The following ZNF678 variants were observed in gnomAD, a reference collection of about 807,000 sequenced individuals.
ZNF678 encodes zinc finger protein 678, also known as hypothetical protein MGC42493.
ZNF678 carries 5 observed loss-of-function variants against 3.0 expected under a neutral mutation model. That is an observed-to-expected ratio of 1.69 (90% CI 0.88 to 3.56). The LOEUF (loss-of-function observed/expected upper bound fraction) is 3.56. Ranked by LOEUF, ZNF678 falls within the 30% of genes most tolerant of loss-of-function variation. The probability of loss-of-function intolerance (pLI) is 0.00; values close to 1 mark genes in which losing one functional copy is unlikely to be tolerated. For missense variants in ZNF678, 593 were observed against 605.0 expected, an observed-to-expected ratio of 0.98 and a Z score of 0.21; for synonymous variants, 218 against 199.6, an observed-to-expected ratio of 1.09 and a Z score of -0.78.
chr1:227,604,944 C>T (rs993171801), intron 1 of ZNF678, among the ~76,000 whole-genome samples: 4 of 152,142 alleles, frequency 2.6e-5, no homozygotes, highest in Admixed American at 1.3e-4. Flanking sequence ...CAAGCTCCGC[C>T]TCCCAGGTTC....
chr1:227,620,373 G>T (rs1186877121), intron 1 of ZNF678, among the ~76,000 whole-genome samples: 1 of 151,624 alleles, frequency 6.6e-6, no homozygotes, highest in Non-Finnish European at 1.5e-5. Flanking sequence ...GAAAAAGTTT[G>T]TGTGTGTGTG....
intron 1 of ZNF678, among the ~76,000 whole-genome samples, chr1:227,622,650 A>AT: frequency 6.6e-6 from 1 of 152,012 alleles, no homozygotes; most frequent in East Asian, 1.9e-4. Context: ...GTATGCCTTT[A>AT]TTTTTTTACT....
At chr1:227,574,081 C>T (rs1656926623) in intron 1 of ZNF678, among the ~76,000 whole-genome samples, 1 of 152,144 alleles carries the variant, frequency 6.6e-6, no homozygotes, top group African/African-American at 2.4e-5. Flanking sequence ...TATTGATGGG[C>T]ATTTAGGTTG....
At chr1:227,608,683 A>G (rs1168140360) in intron 1 of ZNF678, among the ~76,000 whole-genome samples, 1 of 152,210 alleles carries the variant, frequency 6.6e-6, no homozygotes, top group Non-Finnish European at 1.5e-5. Flanking sequence ...AATATTCTAT[A>G]TAACAGCAAG....
intron 1 of ZNF678, among the ~76,000 whole-genome samples, chr1:227,570,631 G>A (rs1011912718): frequency 1.3e-5 from 2 of 151,792 alleles, no homozygotes; most frequent in Admixed American, 1.3e-4. Flanking sequence ...ACTGTGCCTG[G>A]CTCTCTCATA....
chr1:227,634,776 G>A (rs115530793), intron 1 of ZNF678, among the ~76,000 whole-genome samples: 25 of 152,272 alleles, frequency 1.6e-4, no homozygotes, highest in African/African-American at 5.8e-4. Flanking sequence ...ACCTCTCTGG[G>A]GCCTAGGAGA....
chr1:227,576,275 G>A (rs1225116927), intron 1 of ZNF678, among the ~76,000 whole-genome samples: 6 of 152,142 alleles, frequency 3.9e-5, no homozygotes, highest in Non-Finnish European at 8.8e-5. Flanking sequence ...GAATGTGTTA[G>A]GGAGCAGTCC....
At chr1:227,616,764 T>C (rs1424438347) in intron 1 of ZNF678, among the ~76,000 whole-genome samples, 1 of 152,204 alleles carries the variant, frequency 6.6e-6, no homozygotes, top group Non-Finnish European at 1.5e-5. Context: ...GGTGCATTCA[T>C]ATTATGCAGA....
intron 1 of ZNF678, among the ~76,000 whole-genome samples, chr1:227,623,787 C>T (rs1048905343): frequency 3.9e-5 from 6 of 151,948 alleles, no homozygotes; most frequent in African/African-American, 1.5e-4. Context: ...ACTTTTTATC[C>T]AGTTTATAAA....
chr1:227,651,297 C>T (rs1659087268), intron 3 of ZNF678, among the ~76,000 whole-genome samples: 1 of 152,100 alleles, frequency 6.6e-6, no homozygotes, highest in Admixed American at 6.6e-5. Context: ...AGACACTTGG[C>T]CTAATACCAA....
At chr1:227,573,540 A>C (rs943882236) in intron 1 of ZNF678, among the ~76,000 whole-genome samples, 40 of 152,222 alleles carry the variant, frequency 2.6e-4, no homozygotes, top group African/African-American at 9.6e-4. Flanking sequence ...TGCTCTTTAC[A>C]TTATACCTAA....
intron 5 of ZNF678, among the ~76,000 whole-genome samples, chr1:227,674,603 T>TTTTC (rs1558165457): frequency 6.7e-6 from 1 of 149,884 alleles, no homozygotes. Flanking sequence ...TCTTTTTTTT[T>TTTTC]TTTTCTTTTT....
At chr1:227,649,155 G>A (rs960263712) in intron 2 of ZNF678, among the ~76,000 whole-genome samples, 4 of 152,176 alleles carry the variant, frequency 2.6e-5, no homozygotes, top group South Asian at 2.1e-4. Context: ...GAATGATACT[G>A]TAATAAATAT....
Position 227,596,365 on chromosome 1 carries a change from A to G in ZNF678, c.-164+32641A>G, listed in dbSNP as rs535423952. Among the ~76,000 whole-genome samples the G allele has an allele frequency of 2.0e-5, 3 of 152,358 alleles. No homozygotes were observed. In the South Asian group the frequency reaches 6.2e-4, roughly 32 times the overall value. ...GGAGCATTGGCAAGACTCCTGTCTG[A>G]AGAGCCGAGCTCCCTGAGTGAGCAA... On this transcript the variant is annotated intron_variant, in intron 1 of 3. Transcript: ENST00000343776.
chr1:227,629,799 T>A (rs1658506237), intron 1 of ZNF678, among the ~76,000 whole-genome samples: 1 of 152,200 alleles, frequency 6.6e-6, no homozygotes. Flanking sequence ...AGGGGGTGGC[T>A]TATTTTTATT....
chr1:227,567,562 A>G (rs1368875921), intron 1 of ZNF678, among the ~76,000 whole-genome samples: 1 of 152,166 alleles, frequency 6.6e-6, no homozygotes, highest in African/African-American at 2.4e-5. Context: ...GGCAGATGCA[A>G]ATGTAGTTGG....
At chr1:227,662,620 ACT>A (rs1483172384), downstream of ZNF678, among the ~76,000 whole-genome samples, 1 of 152,162 alleles carries the variant, frequency 6.6e-6, no homozygotes, top group African/African-American at 2.4e-5. Context: ...CTGAAAGGTG[ACT>A]CAAACTTATC....
chr1:227,582,252 A>G (rs1309705918), intron 1 of ZNF678, among the ~76,000 whole-genome samples: 2 of 152,036 alleles, frequency 1.3e-5, no homozygotes, highest in African/African-American at 4.8e-5. Flanking sequence ...TCTTAAATTG[A>G]ATGTAGTCAC....
Position 227,655,707 on chromosome 1 carries a change from A to T in ZNF678, c.1457A>T (p.Glu486Val). ...LTRHKRIHTGEKRYKCKECGK... is the reference protein window; with the variant it reads ...LTRHKRIHTGVKRYKCKECGK... Reference sequence around the variant, plus strand: ...CGTCATAAAAGAATTCATACTGGAGAGAAACGCTACAAATGTAAAGAATGT... The same window carrying T: ...CGTCATAAAAGAATTCATACTGGAGTGAAACGCTACAAATGTAAAGAATGT... The change falls in exon 4 of 4, where the codon GAG (glutamate) becomes GTG (valine). Residue 486 changes from glutamate (E) to valine (V), a missense_variant. Transcript: ENST00000343776. 6.2e-7 allele frequency: 1 copy of T among 1,612,758 alleles called. No individual in the cohort carries two copies. The highest frequency in any genetic ancestry group is 8.5e-7 in the Non-Finnish European group (1 of 1,179,194).
Sources: gnomAD v4.1 joint callset for allele counts (sites outside exome capture counted in the v4.1 genomes callset) on GRCh38, gnomAD v4.1.1 for gene constraint, MANE v1.5 for transcripts, NCBI Gene and HGNC (gene_info 2026-07-23, HGNC 2026-07-21) for gene names.